The following NEBL variants were observed in gnomAD, a reference collection of about 807,000 sequenced individuals.
NEBL encodes the protein LIM and SH3 protein 2.
In NEBL, 122 loss-of-function variants were observed where a neutral mutation model predicts 140.2. The ratio of observed to expected loss-of-function variants is 0.87; its 90% CI spans 0.75 to 1.01. The LOEUF is 1.01. NEBL is among the 50% of genes least tolerant of loss of function. NEBL has a pLI of 0.00. For synonymous variants in NEBL, 436 were observed against 398.9 expected (o/e 1.09, Z -1.11); for missense variants, 1,365 against 1,231.3 (o/e 1.11, Z -1.62).
At chr10:21,069,836 T>C in intron 2 of NEBL, 1 of 367,180 alleles carries the variant, frequency 2.7e-6, no homozygotes, top group Non-Finnish European at 5.4e-6. Context: ...TATCTAATTA[T>C]ATTAATCACA....
chr10:21,198,008 G>A (rs976011134), intron 3 of NEBL, among the ~76,000 whole-genome samples: 1 of 151,730 alleles, frequency 6.6e-6, no homozygotes, highest in Non-Finnish European at 1.5e-5. Flanking sequence ...CAGCCACCCT[G>A]CAATCATGAA....
At chr10:21,169,067 A>AAAAATATATATATATATATAT (rs1554830679) in intron 2 of NEBL, among the ~76,000 whole-genome samples, 2 of 23,070 alleles carry the variant, frequency 8.7e-5, no homozygotes, top group Non-Finnish European at 1.7e-4. Flanking sequence ...AAAAAAAAAA[A>AAAAATATATATATATATATAT]ATATATATAT....
intron 4 of NEBL, among the ~76,000 whole-genome samples, chr10:20,924,203 C>A (rs959483600): frequency 2.0e-5 from 3 of 151,888 alleles, no homozygotes; most frequent in Admixed American, 2.0e-4. Context: ...ATTGGCATTT[C>A]ATGGGTAGGG....
intron 2 of NEBL, among the ~76,000 whole-genome samples, chr10:21,071,031 G>C (rs1442630272): frequency 6.6e-6 from 1 of 151,724 alleles, no homozygotes; most frequent in Non-Finnish European, 1.5e-5. Flanking sequence ...AAAGGAGCCA[G>C]GTGTGGTGGC....
intron 2 of NEBL, among the ~76,000 whole-genome samples, chr10:21,138,232 G>C (rs1167358838): frequency 1.3e-5 from 2 of 152,246 alleles, no homozygotes; most frequent in African/African-American, 4.8e-5. Flanking sequence ...TGCAAAATGT[G>C]TGCATGTTCC....
At chr10:21,257,750 T>A (rs142930252) in intron 1 of NEBL, among the ~76,000 whole-genome samples, 3,111 of 152,160 alleles carry the variant, frequency 0.02, 34 homozygotes, top group Middle Eastern at 0.048. Flanking sequence ...GTGGGTGTGG[T>A]GGCAGGCACC....
intron 3 of NEBL, chr10:21,247,820 T>C (rs559047514): frequency 5.7e-6 from 1 of 174,642 alleles, no homozygotes; most frequent in African/African-American, 2.4e-5. Flanking sequence ...GGACAAAGTT[T>C]AATTTCCTAG....
Position 21,212,019 on chromosome 10 carries a change from C to A in NEBL, n.348+35902G>T, listed in dbSNP as rs374477756. ...TCTCTCTCTCTTCAGATATATATAT[C>A]TATAAACATATGTACATATGTAAAT... is the stretch of plus-strand genomic sequence containing the variant. On this transcript the variant is annotated intron_variant and non_coding_transcript_variant, in intron 3 of 8. Transcript: ENST00000675702. Among the ~76,000 whole-genome samples, 156 of 151,788 alleles carry A rather than the reference C, an allele frequency of 1.0e-3. 1 individual carries two copies. The highest frequency in any genetic ancestry group is 1.3e-3 in the Admixed American group (19 of 15,200).
Position 20,787,276 on chromosome 10 carries a change from G to A in NEBL, c.2794C>T (p.His932Tyr), listed in dbSNP as rs912298654. ...TGCATGTAGCCATAGCCTTGGGAAT[G>A]GCTTTGCTGATAGGCTCCGGGAAGA... ...PVLPGAYQQS[H>Y]SQGYGYMHQT... is the part of the protein sequence containing the mutation. Residue 932 changes from histidine to tyrosine, a missense_variant, in exon 27 of 28, where the codon CAT (histidine) becomes TAT (tyrosine). Physicochemically the swap from His to Tyr is moderately conservative, Grantham distance 83. Coordinates refer to ENST00000377122, the MANE Select transcript of NEBL (RefSeq NM_006393.3). 1 of 1,613,394 alleles carries A rather than the reference G, an allele frequency of 6.2e-7. No individual in the cohort carries two copies. Among genetic ancestry groups the A allele is most frequent in the Admixed American group, 1.7e-5 (1 of 59,938 alleles).
At chr10:21,214,630 C>T (rs1200715784) in intron 3 of NEBL, among the ~76,000 whole-genome samples, 2 of 151,868 alleles carry the variant, frequency 1.3e-5, no homozygotes, top group African/African-American at 4.8e-5. Flanking sequence ...CACATATGCA[C>T]ATTACACACA....
chr10:21,238,716 TAAAAAAAAAAAAAAAA>T (rs35732687), intron 3 of NEBL, among the ~76,000 whole-genome samples: 1 of 94,502 alleles, frequency 1.1e-5, no homozygotes, highest in Non-Finnish European at 2.1e-5. Flanking sequence ...TCAAAAAAAT[TAAAAAAAAAAAAAAAA>T]AAAAAAAAAG....
intron 1 of NEBL, among the ~76,000 whole-genome samples, chr10:21,259,419 G>A (rs964829106): frequency 1.3e-5 from 2 of 152,088 alleles, no homozygotes; most frequent in Non-Finnish European, 2.9e-5. Context: ...ACTCAGACAG[G>A]CTTCAAGTTC....
At chr10:20,983,865 T>C (rs778954384) in intron 3 of NEBL, among the ~76,000 whole-genome samples, 1 of 152,204 alleles carries the variant, frequency 6.6e-6, no homozygotes, top group African/African-American at 2.4e-5. Flanking sequence ...TAATTTACAC[T>C]TTAGTTAATC....
chr10:21,091,227 C>T (rs942054703), intron 2 of NEBL, among the ~76,000 whole-genome samples: 8 of 152,332 alleles, frequency 5.3e-5, no homozygotes, highest in Admixed American at 1.3e-4. Context: ...TAAATGTCTA[C>T]ACATGCAATT....
chr10:21,113,841 T>C (rs1161695248), intron 2 of NEBL, among the ~76,000 whole-genome samples: 2 of 152,120 alleles, frequency 1.3e-5, no homozygotes, highest in African/African-American at 4.8e-5. Context: ...AGTATTTTAA[T>C]AAAGTAAAAA....
intron 3 of NEBL, among the ~76,000 whole-genome samples, chr10:21,187,406 G>A (rs926540846): frequency 2.6e-5 from 4 of 152,164 alleles, no homozygotes; most frequent in Admixed American, 6.5e-5. Flanking sequence ...CGGGGATGAC[G>A]TTTTGTCGAA....
chr10:21,264,577 A>G (rs941099828), intron 1 of NEBL, among the ~76,000 whole-genome samples: 17 of 151,866 alleles, frequency 1.1e-4, no homozygotes, highest in Middle Eastern at 3.4e-3. Context: ...CAGGTGGGGA[A>G]AAAAAAAGAG....
intron 4 of NEBL, among the ~76,000 whole-genome samples, chr10:20,944,139 C>T (rs1207894491): frequency 6.6e-6 from 1 of 152,202 alleles, no homozygotes; most frequent in Non-Finnish European, 1.5e-5. Flanking sequence ...TGGCTCAATG[C>T]CTGTAATCCC....
At chr10:21,058,173 T>A (rs1048699813) in intron 2 of NEBL, among the ~76,000 whole-genome samples, 1 of 152,232 alleles carries the variant, frequency 6.6e-6, no homozygotes, top group African/African-American at 2.4e-5. Context: ...CATTGTTCAC[T>A]GGGTCTTTTC....
Sources: gnomAD v4.1 joint callset for allele counts (sites outside exome capture counted in the v4.1 genomes callset) on GRCh38, gnomAD v4.1.1 for gene constraint, MANE v1.5 for transcripts, NCBI Gene and HGNC (gene_info 2026-07-23, HGNC 2026-07-21) for gene names.